GABRG3: variants seen among roughly 807,000 people sequenced by gnomAD.
The protein encoded by GABRG3 is gamma-aminobutyric acid type A receptor subunit gamma3, also known as gamma-aminobutyric acid receptor subunit gamma-3.
GABRG3 carries 25 observed loss-of-function variants against 48.8 expected under a neutral mutation model. The ratio of observed to expected loss-of-function variants is 0.51; its 90% CI spans 0.37 to 0.72. The LOEUF (loss-of-function observed/expected upper bound fraction) is 0.72. GABRG3 is among the 30% of genes least tolerant of loss of function. The pLI is 0.00. For missense variants in GABRG3, 394 were observed against 577.9 expected, an observed-to-expected ratio of 0.68 and a Z score of 3.26; for synonymous variants, 227 against 217.6, an observed-to-expected ratio of 1.04 and a Z score of -0.38.
At chr15:27,054,519 G>A (rs919356246) in intron 3 of GABRG3, among the ~76,000 whole-genome samples, 1 of 152,192 alleles carries the variant, frequency 6.6e-6, no homozygotes, top group Non-Finnish European at 1.5e-5. Flanking sequence ...CCAAAGTCAC[G>A]TTTTTCAGAA....
chr15:27,429,491 G>C (rs1888385959), intron 5 of GABRG3, among the ~76,000 whole-genome samples: 1 of 152,096 alleles, frequency 6.6e-6, no homozygotes, highest in Non-Finnish European at 1.5e-5. Flanking sequence ...TTTTTAGCAT[G>C]TTCACAGAAT....
At chr15:27,150,957 A>G (rs1898300647) in intron 3 of GABRG3, among the ~76,000 whole-genome samples, 1 of 152,232 alleles carries the variant, frequency 6.6e-6, no homozygotes. Flanking sequence ...GAAATCCTGC[A>G]CAACATCTCA....
At chr15:27,439,432 A>G (rs1888715684) in intron 5 of GABRG3, among the ~76,000 whole-genome samples, 1 of 152,214 alleles carries the variant, frequency 6.6e-6, no homozygotes, top group Non-Finnish European at 1.5e-5. Flanking sequence ...AGAAACCAAA[A>G]CACAAGTCAT....
chr15:27,307,052 T>TATATAAACATATATA lies in GABRG3; in HGVS notation c.271-19747_271-19746insATATAATATAAACAT, dbSNP rs1461182072. Among the ~76,000 whole-genome samples, 78 of 125,230 alleles carry TATATAAACATATATA rather than the reference T, an allele frequency of 6.2e-4. 3 individuals are homozygous for TATATAAACATATATA. The highest frequency in any genetic ancestry group is 1.6e-3 in the East Asian group (7 of 4,438). The allele number at this position is 125,230 out of a possible 152,430, so 82.2% of individuals were successfully genotyped here. ...AACATGTATAAAATAAACATGTTTA[T>TATATAAACATATATA]ATATAAACATGTATAATATAAACAT... On this transcript the variant is annotated intron_variant, in intron 3 of 9. Coordinates refer to ENST00000615808, the MANE Select transcript of GABRG3 (RefSeq NM_033223.5).
Position 27,527,936 on chromosome 15 carries a change from C to G in GABRG3, c.1066C>G (p.Leu356Val). The change falls in exon 9 of 10, where the codon CTA (leucine) becomes GTA (valine). Residue 356 changes from leucine to valine, a missense_variant. This residue lies in a region of GABRG3 where 126 missense variants were observed against 155.5 expected (regional missense o/e 0.81). Coordinates refer to ENST00000615808, the MANE Select transcript of GABRG3 (RefSeq NM_033223.5). ...ATTTTTTCTTCTTTTCTTGTAGTTA[C>G]TACATCCAGATTCCTCAAGATGGAT... ...PTTTKKTTSLLHPDSSRWIPE... is the reference protein window; with the variant it reads ...PTTTKKTTSLVHPDSSRWIPE... The G allele has an allele frequency of 6.3e-7, 1 of 1,581,894 alleles. No homozygotes were observed. Among genetic ancestry groups the G allele is most frequent in the Non-Finnish European group, 8.6e-7 (1 of 1,161,266 alleles).
chr15:27,473,085 A>C (rs777325861), intron 5 of GABRG3, among the ~76,000 whole-genome samples: 1 of 152,174 alleles, frequency 6.6e-6, no homozygotes, highest in Non-Finnish European at 1.5e-5. Context: ...TTTCTTGTGC[A>C]TTCATTATTA....
chr15:27,128,232 A>C (rs1897855080), intron 3 of GABRG3, among the ~76,000 whole-genome samples: 1 of 152,158 alleles, frequency 6.6e-6, no homozygotes, highest in African/African-American at 2.4e-5. Flanking sequence ...TATTGCGAAT[A>C]GTGCTTGGCG....
At chr15:27,486,109 A>C (rs1373576012) in intron 6 of GABRG3, among the ~76,000 whole-genome samples, 2 of 152,298 alleles carry the variant, frequency 1.3e-5, no homozygotes, top group African/African-American at 4.8e-5. Flanking sequence ...TGCAGTGGGC[A>C]TACTTATGGC....
At chr15:27,068,718 A>G (rs946549952) in intron 3 of GABRG3, among the ~76,000 whole-genome samples, 30 of 152,214 alleles carry the variant, frequency 2.0e-4, no homozygotes, top group Non-Finnish European at 3.7e-4. Context: ...CTAGTCATGG[A>G]TATGACAGGG....
chr15:27,480,540 TA>T, intron 5 of GABRG3, 109 bp from the exon 6 acceptor site: 4 of 1,080,130 alleles, frequency 3.7e-6, no homozygotes, highest in Non-Finnish European at 5.2e-6. Flanking sequence ...ACATATGGCC[TA>T]AAAGTTTAAC....
At chr15:26,971,727 C>A in intron 1 of GABRG3, 139 bp downstream of exon 1, 1 of 895,316 alleles carries the variant, frequency 1.1e-6, no homozygotes, top group Non-Finnish European at 1.6e-6. Context: ...ACTGGGAAGT[C>A]GGTCTGCACC....
At chr15:27,104,815 T>C (rs1041339234) in intron 3 of GABRG3, among the ~76,000 whole-genome samples, 4 of 152,198 alleles carry the variant, frequency 2.6e-5, no homozygotes, top group Admixed American at 2.6e-4. Flanking sequence ...TCCACTGTTG[T>C]CTATGTGGAA....
chr15:27,528,082 A>G (rs1345984727), intron 9 of GABRG3, 90 bp downstream of exon 9: 4 of 964,130 alleles, frequency 4.1e-6, no homozygotes, highest in Admixed American at 4.1e-5. Context: ...TGATGCATGC[A>G]TGTATTGAAG....
At chr15:27,260,358 A>G (rs752105674) in intron 3 of GABRG3, among the ~76,000 whole-genome samples, 2 of 152,066 alleles carry the variant, frequency 1.3e-5, no homozygotes, top group Admixed American at 1.3e-4. Flanking sequence ...TTTAACCTTA[A>G]TCACCTTGTT....
At chr15:27,467,584 G>A (rs2150838672) in intron 5 of GABRG3, among the ~76,000 whole-genome samples, 1 of 152,310 alleles carries the variant, frequency 6.6e-6, no homozygotes, top group South Asian at 2.1e-4. Flanking sequence ...TACCTATGTT[G>A]TTTTATGTTG....
rs74388456 is a variant in GABRG3 at position 27,288,260 on chromosome 15, G to C, written c.271-38549G>C. Among the ~76,000 whole-genome samples, 1,021 of 152,102 alleles carry C rather than the reference G, an allele frequency of 6.7e-3. 12 individuals carry two copies. The highest frequency in any genetic ancestry group is 0.024 in the African/African-American group (981 of 41,478). On this transcript the variant is annotated intron_variant, in intron 3 of 9. Coordinates refer to ENST00000615808, the MANE Select transcript of GABRG3 (RefSeq NM_033223.5). ...AGTTTTTCCACAGACCAGGGGGCAA[G>C]GGATGGTTTCAGGATGATTCAAGCA...
chr15:27,223,879 C>T (rs1414056746), intron 3 of GABRG3, among the ~76,000 whole-genome samples: 1 of 152,232 alleles, frequency 6.6e-6, no homozygotes, highest in Non-Finnish European at 1.5e-5. Context: ...TCTACCATCT[C>T]TTCTGTATTT....
chr15:27,461,515 G>A (rs12437614), intron 5 of GABRG3, among the ~76,000 whole-genome samples: 11,678 of 152,198 alleles, frequency 0.077, 858 homozygotes, highest in East Asian at 0.35. Context: ...GAGTTATTGC[G>A]AAGAGAAACA....
At chr15:27,476,557 A>G (rs2150842869) in intron 5 of GABRG3, among the ~76,000 whole-genome samples, 1 of 152,330 alleles carries the variant, frequency 6.6e-6, no homozygotes, top group East Asian at 1.9e-4. Flanking sequence ...GGTTGACATA[A>G]TAACAGATCT....
Sources: allele counts gnomAD v4.1 joint callset (sites outside exome capture counted in the v4.1 genomes callset), GRCh38; gene constraint gnomAD v4.1.1; regional missense constraint gnomAD v4.1.1; transcripts MANE v1.5; gene names NCBI Gene and HGNC (gene_info 2026-07-23, HGNC 2026-07-21).